The following IL7 variants were observed in gnomAD, a reference collection of about 807,000 sequenced individuals.
IL7 encodes interleukin-7.
IL7 carries 3 observed loss-of-function variants against 21.6 expected under a neutral mutation model. The ratio of observed to expected loss-of-function variants is 0.14; its 90% CI spans 0.06 to 0.36. The LOEUF (loss-of-function observed/expected upper bound fraction) is 0.36, where lower values mean the gene tolerates loss of function less well. Ranked by LOEUF, IL7 falls within the 10% of genes least tolerant of loss-of-function variation. IL7 has a pLI of 1.00. For missense variants in IL7, 175 were observed against 200.2 expected (o/e 0.87, Z 0.76); for synonymous variants, 62 against 68.1 (o/e 0.91, Z 0.44).
intron 2 of IL7, among the ~76,000 whole-genome samples, chr8:78,796,710 T>C (rs1413942508): frequency 6.6e-6 from 1 of 152,010 alleles, no homozygotes; most frequent in African/African-American, 2.4e-5. Flanking sequence ...TGAGATACTA[T>C]GACAAGCCTA....
At chr8:78,794,856 GA>G (rs1387468612) in intron 2 of IL7, among the ~76,000 whole-genome samples, 1 of 151,932 alleles carries the variant, frequency 6.6e-6, no homozygotes, top group African/African-American at 2.4e-5. Context: ...TAAGCTTCTT[GA>G]AAAAAGATCT....
At chr8:78,682,865 T>G (rs924032756) in intron 4 of IL7, among the ~76,000 whole-genome samples, 15 of 152,174 alleles carry the variant, frequency 9.9e-5, no homozygotes, top group Non-Finnish European at 2.1e-4. Context: ...GATACAGACA[T>G]TGGGTAAATA....
At chr8:78,696,137 C>T (rs1461804647) in intron 3 of IL7, among the ~76,000 whole-genome samples, 1 of 151,922 alleles carries the variant, frequency 6.6e-6, no homozygotes, top group African/African-American at 2.4e-5. Flanking sequence ...TGGGTTCACG[C>T]CATTCTCCTG....
At chr8:78,765,595 T>C (rs1048297543) in intron 2 of IL7, among the ~76,000 whole-genome samples, 11 of 152,154 alleles carry the variant, frequency 7.2e-5, no homozygotes, top group African/African-American at 2.4e-4. Flanking sequence ...CAACAGCATA[T>C]GCCATCAGGG....
At chr8:78,770,894 A>C (rs1256148231) in intron 2 of IL7, among the ~76,000 whole-genome samples, 3 of 152,108 alleles carry the variant, frequency 2.0e-5, no homozygotes, top group African/African-American at 7.2e-5. Flanking sequence ...TGATGGAGAT[A>C]AACTCCTCTG....
chr8:78,694,461 A>T (rs1156604697), intron 3 of IL7, among the ~76,000 whole-genome samples: 1 of 152,104 alleles, frequency 6.6e-6, no homozygotes, highest in Non-Finnish European at 1.5e-5. Flanking sequence ...TCAGTCTGGA[A>T]ACATTTGAAA....
At chr8:78,717,489 T>C (rs1563642714), downstream of IL7, 1 of 1,539,908 alleles carries the variant, frequency 6.5e-7, no homozygotes, top group Non-Finnish European at 8.7e-7. Context: ...AGAATGATTC[T>C]ATGAATAGAA....
intron 3 of IL7, chr8:78,723,691 A>G (rs1256446730): frequency 6.0e-6 from 1 of 167,048 alleles, no homozygotes; most frequent in Non-Finnish European, 1.5e-5. Flanking sequence ...GAGTATATAC[A>G]GAACTGCTGG....
At chr8:78,686,375 A>G in intron 3 of IL7, 1 of 1,064,650 alleles carries the variant, frequency 9.4e-7, no homozygotes, top group Non-Finnish European at 1.2e-6. Flanking sequence ...GAGAACATTT[A>G]AAATGATATG....
At chr8:78,681,905 T>TA (rs1198707917) in intron 4 of IL7, among the ~76,000 whole-genome samples, 64 of 150,810 alleles carry the variant, frequency 4.2e-4, no homozygotes, top group African/African-American at 1.4e-3. Flanking sequence ...TTCTTTCTTT[T>TA]TTTTTTTTTT....
chr8:78,715,415 A>C (rs1811070191), downstream of IL7: 1 of 1,218,970 alleles, frequency 8.2e-7, no homozygotes, highest in African/African-American at 1.6e-5. Context: ...GTAAGTAACA[A>C]GCTATTTATA....
chr8:78,783,278 A>G (rs998552365), intron 2 of IL7, among the ~76,000 whole-genome samples: 1 of 152,184 alleles, frequency 6.6e-6, no homozygotes, highest in Non-Finnish European at 1.5e-5. Flanking sequence ...GGTTGCACCC[A>G]TCCACGGAAA....
At chr8:78,729,922 G>C (rs1811395339), downstream of IL7, among the ~76,000 whole-genome samples, 1 of 151,950 alleles carries the variant, frequency 6.6e-6, no homozygotes, top group Non-Finnish European at 1.5e-5. Context: ...AGGTTATTAA[G>C]AGTTACTTGT....
intron 3 of IL7, among the ~76,000 whole-genome samples, chr8:78,704,147 C>T (rs140141918): frequency 1.6e-3 from 246 of 151,932 alleles, no homozygotes; most frequent in African/African-American, 5.6e-3. Flanking sequence ...TTTGGGAGAC[C>T]GAGGCGAGCG....
intron 3 of IL7, 52 bp from the exon 4 acceptor site, chr8:78,738,687 A>T: frequency 6.4e-7 from 1 of 1,561,104 alleles, no homozygotes. Context: ...ATATTAAGAA[A>T]TTATAAGCTT....
At chr8:78,749,113 T>G (rs1812080518) in intron 2 of IL7, among the ~76,000 whole-genome samples, 1 of 152,170 alleles carries the variant, frequency 6.6e-6, no homozygotes, top group Non-Finnish European at 1.5e-5. Context: ...CTATTCCTTC[T>G]GTCAAAACAT....
chr8:78,739,681 ACT>A (rs57195595), intron 3 of IL7, among the ~76,000 whole-genome samples: 32,636 of 150,002 alleles, frequency 0.22, 3,941 homozygotes, highest in Middle Eastern at 0.35. Flanking sequence ...ACAGAGCGAA[ACT>A]CTGCCTCCAA....
intron 2 of IL7, among the ~76,000 whole-genome samples, chr8:78,744,694 G>A (rs1009606493): frequency 5.9e-5 from 9 of 152,258 alleles, no homozygotes; most frequent in Non-Finnish European, 1.0e-4. Context: ...TACTTTTGCC[G>A]GGAAGCCTGA....
intron 1 of IL7, among the ~76,000 whole-genome samples, chr8:78,799,679 A>G (rs186899821): frequency 6.6e-6 from 1 of 152,152 alleles, no homozygotes; most frequent in East Asian, 1.9e-4. Flanking sequence ...AAATATCCAA[A>G]AAGTTCTGCA....
Sources: allele counts gnomAD v4.1 joint callset (sites outside exome capture counted in the v4.1 genomes callset), GRCh38; gene constraint gnomAD v4.1.1; transcripts MANE v1.5; gene names NCBI Gene and HGNC (gene_info 2026-07-23, HGNC 2026-07-21).